Variants in ST7L observed in about 807,000 individuals in gnomAD.
ST7L encodes suppression of tumorigenicity 7 like.
A neutral mutation model predicts 72.5 loss-of-function variants in ST7L; 57 were observed. The observed-to-expected ratio is 0.79, with a 90% CI of 0.64 to 0.98. The LOEUF (loss-of-function observed/expected upper bound fraction) is 0.98. Ranked by LOEUF, ST7L falls within the 50% of genes least tolerant of loss-of-function variation. The pLI, the probability that ST7L is intolerant of heterozygous loss-of-function variation, is 0.00. For synonymous variants in ST7L, 221 were observed against 240.9 expected (o/e 0.92, Z 0.77); for missense variants, 576 against 672.2 (o/e 0.86, Z 1.58).
intron 12 of ST7L, 49 bp from the exon 13 acceptor site, chr1:112,550,742 A>G: frequency 6.8e-7 from 1 of 1,464,312 alleles, no homozygotes; most frequent in Non-Finnish European, 9.5e-7. Flanking sequence ...CTCATTTACC[A>G]TCCTATATTT....
intron 2 of ST7L, among the ~76,000 whole-genome samples, chr1:112,612,406 A>G (rs1303161381): frequency 6.6e-6 from 1 of 152,126 alleles, no homozygotes; most frequent in African/African-American, 2.4e-5. Flanking sequence ...CCAGATTATA[A>G]TATTTTTGAA....
intron 6 of ST7L, among the ~76,000 whole-genome samples, chr1:112,590,629 G>A (rs961374599): frequency 6.6e-5 from 10 of 151,982 alleles, no homozygotes; most frequent in Non-Finnish European, 1.2e-4. Flanking sequence ...TTCACTCTTG[G>A]TATTTATTTA....
At chr1:112,543,615 TC>T (rs1343880861) in intron 13 of ST7L, among the ~76,000 whole-genome samples, 1 of 152,008 alleles carries the variant, frequency 6.6e-6, no homozygotes, top group African/African-American at 2.4e-5. Flanking sequence ...ATGTCTGTAA[TC>T]CCAGCACTTT....
intron 14 of ST7L, among the ~76,000 whole-genome samples, chr1:112,538,219 C>G (rs1655512187): frequency 6.6e-6 from 1 of 152,206 alleles, no homozygotes; most frequent in South Asian, 2.1e-4. Context: ...ACTGGAAATG[C>G]TAACACAGAC....
Position 112,595,702 on chromosome 1 carries a change from A to T in ST7L, c.622+2269T>A, listed in dbSNP as rs143679249. On this transcript the variant is annotated intron_variant, in intron 5 of 14. Coordinates refer to ENST00000358039, the MANE Select transcript of ST7L (RefSeq NM_017744.5). ...TCAAAGTGCTGGGATTACAGGCATA[A>T]GCCACTGTCCTTGGCCTATTTATGT... Among the ~76,000 whole-genome samples the T allele has an allele frequency of 1.8e-3, 273 of 152,286 alleles. 2 individuals carry two copies. The highest frequency in any genetic ancestry group is 6.1e-3 in the African/African-American group (255 of 41,562).
In ST7L at chr1:112,599,812, C is replaced by T. The variant is rs997422462; in HGVS notation, c.506+982G>A. Among the ~76,000 whole-genome samples, 15 of 152,138 alleles carry T rather than the reference C, an allele frequency of 9.9e-5. 1 individual carries two copies. The highest frequency in any genetic ancestry group is 6.8e-3 in the Middle Eastern group (2 of 294). ...TAAATGTATACAATGTATACTTATACGTATCACAAATACTTATATGTATTA... is the reference window on the plus strand; with the variant it reads ...TAAATGTATACAATGTATACTTATATGTATCACAAATACTTATATGTATTA... On this transcript the variant is annotated intron_variant, in intron 4 of 14. Transcript: ENST00000358039.
At chr1:112,550,178 T>G (rs1657879933) in intron 13 of ST7L, among the ~76,000 whole-genome samples, 1 of 152,176 alleles carries the variant, frequency 6.6e-6, no homozygotes, top group Admixed American at 6.5e-5. Flanking sequence ...TTCCTAATAT[T>G]TTGTTGAAGA....
In ST7L at chr1:112,550,589, A is replaced by G; in HGVS notation, c.1489+12T>C. ...TACTTTTAAGTTTAAGAAAACTAAA[A>G]TATTTACTTACTAGGTAATAGCTCT... On this transcript the variant is annotated intron_variant, in intron 13 of 14. Transcript: ENST00000358039. 5.6e-6 allele frequency: 9 copies of G among 1,593,668 alleles called. No homozygotes were observed. Among genetic ancestry groups the G allele is most frequent in the Non-Finnish European group, 7.7e-6 (9 of 1,163,764 alleles).
chr1:112,566,970 T>C (rs1043062616), intron 11 of ST7L, among the ~76,000 whole-genome samples: 1 of 152,220 alleles, frequency 6.6e-6, no homozygotes, highest in African/African-American at 2.4e-5. Context: ...CTTGGGTATA[T>C]ACCTTGGAGT....
At chr1:112,590,083 G>C (rs1321350343) in intron 6 of ST7L, among the ~76,000 whole-genome samples, 1 of 152,166 alleles carries the variant, frequency 6.6e-6, no homozygotes, top group Admixed American at 6.5e-5. Flanking sequence ...CCAGAGTGTA[G>C]TTATGTCAAT....
At chr1:112,580,226 G>A (rs1316188161) in intron 9 of ST7L, among the ~76,000 whole-genome samples, 1 of 152,150 alleles carries the variant, frequency 6.6e-6, no homozygotes, top group Non-Finnish European at 1.5e-5. Context: ...TTGGTTCACT[G>A]CAACCTCTAC....
At chr1:112,619,535 G>C (rs959397062), upstream of ST7L, 3 of 527,004 alleles carry the variant, frequency 5.7e-6, no homozygotes, top group African/African-American at 5.8e-5. Flanking sequence ...CAGCTATTTG[G>C]TCGGATGGAG....
At chr1:112,568,861 A>AATATAAATATAAAT (rs61349207) in intron 11 of ST7L, among the ~76,000 whole-genome samples, 2 of 114,918 alleles carry the variant, frequency 1.7e-5, no homozygotes, top group African/African-American at 7.0e-5. Flanking sequence ...TATAAATATA[A>AATATAAATATAAAT]ATATATATAT....
intron 9 of ST7L, among the ~76,000 whole-genome samples, chr1:112,581,467 C>T (rs1664108124): frequency 6.6e-6 from 1 of 150,738 alleles, no homozygotes; most frequent in African/African-American, 2.4e-5. Flanking sequence ...GGTGCAGTCA[C>T]AGCTCACTAC....
chr1:112,603,319 C>T (rs1011986802), intron 3 of ST7L, among the ~76,000 whole-genome samples: 5 of 152,090 alleles, frequency 3.3e-5, no homozygotes, highest in South Asian at 2.1e-4. Flanking sequence ...AATTATGCAT[C>T]GGTAAAAGAT....
intron 3 of ST7L, chr1:112,610,545 G>C (rs376296189): frequency 3.3e-6 from 1 of 301,682 alleles, no homozygotes; most frequent in East Asian, 6.2e-5. Context: ...GTCTGGTGAG[G>C]GTCTGCTTTC....
intron 6 of ST7L, among the ~76,000 whole-genome samples, chr1:112,589,220 T>A (rs546054996): frequency 1.3e-5 from 2 of 152,238 alleles, no homozygotes; most frequent in East Asian, 3.9e-4. Context: ...GTCCAAAGTC[T>A]AGGCTTCACA....
At chr1:112,561,344 A>T in intron 11 of ST7L, among the ~76,000 whole-genome samples, 1 of 145,770 alleles carries the variant, frequency 6.9e-6, no homozygotes, top group Admixed American at 6.8e-5. Context: ...AGGCAGGAGG[A>T]TAGCTGGACC....
At chr1:112,581,248 A>G (rs1664061795) in intron 9 of ST7L, among the ~76,000 whole-genome samples, 1 of 152,176 alleles carries the variant, frequency 6.6e-6, no homozygotes, top group African/African-American at 2.4e-5. Flanking sequence ...TTGACACTCC[A>G]AAACAAATAA....
Sources: gnomAD v4.1 joint callset for allele counts (sites outside exome capture counted in the v4.1 genomes callset) on GRCh38, gnomAD v4.1.1 for gene constraint, MANE v1.5 for transcripts, NCBI Gene and HGNC (gene_info 2026-07-23, HGNC 2026-07-21) for gene names.